Variants in DCC observed in about 807,000 individuals in gnomAD.
The protein encoded by DCC is netrin receptor DCC.
A neutral mutation model predicts 172.5 loss-of-function variants in DCC; 58 were observed. That is an observed-to-expected ratio of 0.34 (90% CI 0.27 to 0.42). The LOEUF is 0.42. Among genes scored for constraint, DCC ranks in the 10% least tolerant of loss-of-function variants. The pLI is 1.00. For synonymous variants in DCC, 709 were observed against 644.5 expected (o/e 1.10, Z -1.52); for missense variants, 1,740 against 1,791.0 (o/e 0.97, Z 0.51).
intron 1 of DCC, among the ~76,000 whole-genome samples, chr18:52,392,923 T>C (rs1276747063): frequency 6.6e-6 from 1 of 152,132 alleles, no homozygotes; most frequent in Non-Finnish European, 1.5e-5. Flanking sequence ...TATGTCCCTT[T>C]AGGATCTTCT....
intron 1 of DCC, among the ~76,000 whole-genome samples, chr18:52,434,032 C>T (rs1192016460): frequency 2.0e-5 from 3 of 152,128 alleles, no homozygotes; most frequent in Non-Finnish European, 4.4e-5. Context: ...TGGTGTAAAG[C>T]CATTTCAATT....
intron 3 of DCC, among the ~76,000 whole-genome samples, chr18:52,909,484 TAAG>T (rs2039937219): frequency 6.6e-6 from 1 of 152,182 alleles, no homozygotes; most frequent in African/African-American, 2.4e-5. Flanking sequence ...CCATAGTTCA[TAAG>T]AAGTGTTTGA....
intron 2 of DCC, among the ~76,000 whole-genome samples, chr18:52,785,383 C>T (rs1339043681): frequency 6.6e-6 from 1 of 152,036 alleles, no homozygotes; most frequent in African/African-American, 2.4e-5. Flanking sequence ...AAGAGAAAAG[C>T]ATTACCAAAG....
chr18:52,805,146 T>C (rs768511432), intron 2 of DCC, among the ~76,000 whole-genome samples: 2 of 152,210 alleles, frequency 1.3e-5, no homozygotes, highest in East Asian at 1.9e-4. Context: ...CATACAAATA[T>C]GTCTAGACAA....
At chr18:53,499,769 A>G (rs2046073788) in intron 27 of DCC, among the ~76,000 whole-genome samples, 1 of 152,108 alleles carries the variant, frequency 6.6e-6, no homozygotes. Context: ...ACCATTTTTA[A>G]TATGTGCTAT....
At chr18:52,671,764 G>C (rs1163800522) in intron 1 of DCC, among the ~76,000 whole-genome samples, 1 of 151,816 alleles carries the variant, frequency 6.6e-6, no homozygotes, top group African/African-American at 2.4e-5. Context: ...TCGAACTCCT[G>C]ACCTCAAGTG....
At chr18:53,498,375 A>T (rs2046051642) in intron 26 of DCC, among the ~76,000 whole-genome samples, 1 of 152,200 alleles carries the variant, frequency 6.6e-6, no homozygotes, top group African/African-American at 2.4e-5. Flanking sequence ...AAACTTTATT[A>T]AGAAATAAGT....
At chr18:52,405,631 T>A (rs1355176099) in intron 1 of DCC, among the ~76,000 whole-genome samples, 1 of 151,014 alleles carries the variant, frequency 6.6e-6, no homozygotes, top group Non-Finnish European at 1.5e-5. Flanking sequence ...GAAGGACCTC[T>A]TCAAGGAGAA....
rs200213348 is a variant in DCC, at chr18:53,099,939, C to CTTTTTTTTTTTTTTTTTTTTTTTTTTTT, written c.1261+33776_1261+33777insTTTTTTTTTTTTTTTTTTTTTTTTTTTT. Reference sequence around the variant, plus strand: ...AAGAGACTTTTCTTTTCTTTTCTTTCTTTCTTTTTTTTTTTTTTTTTGTTT... The same window carrying CTTTTTTTTTTTTTTTTTTTTTTTTTTTT: ...AAGAGACTTTTCTTTTCTTTTCTTTCTTTTTTTTTTTTTTTTTTTTTTTTTTTTTTTCTTTTTTTTTTTTTTTTTGTTT... On this transcript the variant is annotated intron_variant, in intron 7 of 28. Coordinates refer to ENST00000442544, the MANE Select transcript of DCC (RefSeq NM_005215.4). 8.0e-5 allele frequency among the ~76,000 whole-genome samples: 7 copies of CTTTTTTTTTTTTTTTTTTTTTTTTTTTT among 87,186 alleles called. 1 individual carries two copies. The highest frequency in any genetic ancestry group is 1.6e-4 in the African/African-American group (3 of 18,850). The allele number at this position is 87,186 out of a possible 152,430, so 57.2% of individuals were successfully genotyped here.
intron 5 of DCC, among the ~76,000 whole-genome samples, chr18:52,956,709 T>C (rs1421616237): frequency 1.3e-5 from 2 of 152,142 alleles, no homozygotes; most frequent in Non-Finnish European, 2.9e-5. Context: ...CTTCACACAA[T>C]CAGTCATATC....
chr18:53,102,452 ACT>A (rs1568306185), intron 7 of DCC, among the ~76,000 whole-genome samples: 1 of 151,954 alleles, frequency 6.6e-6, no homozygotes, highest in African/African-American at 2.4e-5. Flanking sequence ...CTGTTTCCAA[ACT>A]CTGCAAGGGT....
At position 53,299,213 on chromosome 18, in the gene DCC, G is replaced by A. The variant is rs981696831; in HGVS notation, c.1912-6365G>A. Among the ~76,000 whole-genome samples the A allele has an allele frequency of 6.6e-5, 10 of 152,190 alleles. No homozygotes were observed. The East Asian group carries it at 1.4e-3, about 21-fold the overall frequency. ...AGACTATGAGTTCTTTGCAGCCAGGGACTCTACACTATTATTTTATGCATT... is the reference window on the plus strand; with the variant it reads ...AGACTATGAGTTCTTTGCAGCCAGGAACTCTACACTATTATTTTATGCATT... On this transcript the variant is annotated intron_variant, in intron 12 of 28. Coordinates refer to ENST00000442544, the MANE Select transcript of DCC (RefSeq NM_005215.4).
chr18:53,360,544 A>C (rs1178798966), intron 15 of DCC, among the ~76,000 whole-genome samples: 1 of 152,150 alleles, frequency 6.6e-6, no homozygotes, highest in Non-Finnish European at 1.5e-5. Flanking sequence ...GAAATGAGAA[A>C]AAAAAGTGGC....
chr18:52,854,896 G>A (rs1156538163), intron 2 of DCC, among the ~76,000 whole-genome samples: 1 of 152,190 alleles, frequency 6.6e-6, no homozygotes, highest in African/African-American at 2.4e-5. Context: ...TGTCAGAGAA[G>A]AGATAATTGG....
At chr18:52,407,603 C>A (rs977255140) in intron 1 of DCC, among the ~76,000 whole-genome samples, 1 of 151,906 alleles carries the variant, frequency 6.6e-6, no homozygotes, top group South Asian at 2.1e-4. Context: ...AAAAAGCCAA[C>A]TCTTTGGGAT....
At chr18:52,787,718 T>G (rs1049600106) in intron 2 of DCC, among the ~76,000 whole-genome samples, 1 of 152,146 alleles carries the variant, frequency 6.6e-6, no homozygotes, top group Non-Finnish European at 1.5e-5. Context: ...GTTTGATTTT[T>G]GGGATGCCTG....
At position 53,025,901 on chromosome 18, in the gene DCC, T is replaced by C. The variant is rs192258936; in HGVS notation, c.986-37404T>C. On this transcript the variant is annotated intron_variant, in intron 5 of 28. Coordinates refer to ENST00000442544, the MANE Select transcript of DCC (RefSeq NM_005215.4). ...TGGTGGAATAAATTAAAATGTGGTGTAAAATAAATATAATTTATTTTTTAT... is the reference window on the plus strand; with the variant it reads ...TGGTGGAATAAATTAAAATGTGGTGCAAAATAAATATAATTTATTTTTTAT... Among the ~76,000 whole-genome samples, 214 of 151,856 alleles carry C rather than the reference T, an allele frequency of 1.4e-3. 1 individual carries two copies. Among genetic ancestry groups the C allele is most frequent in the African/African-American group, 4.8e-3 (201 of 41,448 alleles).
intron 1 of DCC, among the ~76,000 whole-genome samples, chr18:52,724,269 C>T (rs1315607578): frequency 6.6e-6 from 1 of 152,122 alleles, no homozygotes; most frequent in Non-Finnish European, 1.5e-5. Flanking sequence ...GCCTCAGCCT[C>T]CTTAGTAGCT....
intron 1 of DCC, among the ~76,000 whole-genome samples, chr18:52,694,575 GCTTCTTTTTACATATA>G (rs1308938134): frequency 1.3e-5 from 2 of 151,506 alleles, no homozygotes; most frequent in Non-Finnish European, 2.9e-5. Flanking sequence ...TTTTTAAAAT[GCTTCTTTTTACATATA>G]CTTCTTTTTA....
Sources: allele counts gnomAD v4.1 joint callset (sites outside exome capture counted in the v4.1 genomes callset), GRCh38; gene constraint gnomAD v4.1.1; transcripts MANE v1.5; gene names NCBI Gene and HGNC (gene_info 2026-07-23, HGNC 2026-07-21).